STPG2: variants seen among roughly 807,000 people sequenced by gnomAD.
STPG2 encodes sperm-tail PG-rich repeat-containing protein 2.
In STPG2, 56 loss-of-function variants were observed where a neutral mutation model predicts 54.2. That is an observed-to-expected ratio of 1.03 (90% CI 0.83 to 1.29). The LOEUF (loss-of-function observed/expected upper bound fraction) is 1.29, where lower values mean the gene tolerates loss of function less well. Among genes scored for constraint, STPG2 ranks in the 50% most tolerant of loss-of-function variants. The pLI is 0.00. For synonymous variants in STPG2, 200 were observed against 181.8 expected, an observed-to-expected ratio of 1.10 and a Z score of -0.81; for missense variants, 596 against 544.9, an observed-to-expected ratio of 1.09 and a Z score of -0.93.
intron 5 of STPG2, among the ~76,000 whole-genome samples, chr4:98,001,961 A>C (rs114862503): frequency 2.0e-3 from 302 of 152,280 alleles, no homozygotes; most frequent in African/African-American, 7.1e-3. Flanking sequence ...AAGTATATTT[A>C]AAAATATTCT....
At chr4:97,932,248 C>A (rs1206781386) in intron 8 of STPG2, among the ~76,000 whole-genome samples, 1 of 152,090 alleles carries the variant, frequency 6.6e-6, no homozygotes, top group Non-Finnish European at 1.5e-5. Context: ...TGCAGTTTAG[C>A]TCCGATTTTT....
intron 9 of STPG2, among the ~76,000 whole-genome samples, chr4:97,790,992 T>G (rs1464911963): frequency 6.6e-6 from 1 of 152,164 alleles, no homozygotes; most frequent in Non-Finnish European, 1.5e-5. Flanking sequence ...GTTACGCAAA[T>G]TCTACCAAAC....
intron 10 of STPG2, among the ~76,000 whole-genome samples, chr4:97,612,822 G>C (rs1219721723): frequency 6.6e-6 from 1 of 151,872 alleles, no homozygotes; most frequent in Non-Finnish European, 1.5e-5. Flanking sequence ...AAAATAATGA[G>C]GGAGCAGTAC....
chr4:97,907,636 A>G (rs2149195615), intron 8 of STPG2, among the ~76,000 whole-genome samples: 1 of 152,342 alleles, frequency 6.6e-6, no homozygotes, highest in East Asian at 1.9e-4. Flanking sequence ...GGCTACAGTA[A>G]CCAAAACAGC....
At chr4:98,118,828 A>G (rs910475965) in intron 3 of STPG2, among the ~76,000 whole-genome samples, 5 of 152,174 alleles carry the variant, frequency 3.3e-5, no homozygotes, top group Non-Finnish European at 7.4e-5. Flanking sequence ...AGTGGCTTAC[A>G]AGGCTCCCAA....
chr4:98,024,708 T>G (rs1736358160), intron 5 of STPG2, among the ~76,000 whole-genome samples: 1 of 152,224 alleles, frequency 6.6e-6, no homozygotes, highest in Admixed American at 6.5e-5. Context: ...TATATAACAT[T>G]TGATAGCATC....
At chr4:97,724,272 C>A (rs1373431102) in intron 9 of STPG2, among the ~76,000 whole-genome samples, 1 of 151,996 alleles carries the variant, frequency 6.6e-6, no homozygotes, top group African/African-American at 2.4e-5. Flanking sequence ...TTAATTTCTT[C>A]AAAATATCCA....
intron 5 of STPG2, among the ~76,000 whole-genome samples, chr4:98,009,761 G>T (rs1049405065): frequency 6.6e-6 from 1 of 152,004 alleles, no homozygotes; most frequent in Non-Finnish European, 1.5e-5. Context: ...GTGCTCCAAT[G>T]TTGAGTGCAG....
At chr4:98,032,453 G>C (rs1028355952) in intron 5 of STPG2, among the ~76,000 whole-genome samples, 29 of 151,970 alleles carry the variant, frequency 1.9e-4, no homozygotes, top group African/African-American at 6.5e-4. Flanking sequence ...TCTAACACAA[G>C]TCATAATGGA....
chr4:97,989,704 A>G (rs1036917966), intron 5 of STPG2, among the ~76,000 whole-genome samples: 1 of 152,186 alleles, frequency 6.6e-6, no homozygotes, highest in African/African-American at 2.4e-5. Flanking sequence ...CTATTCTTGC[A>G]CTTTGGAGCC....
intron 9 of STPG2, among the ~76,000 whole-genome samples, chr4:97,734,066 G>C (rs1724892807): frequency 6.6e-6 from 1 of 152,116 alleles, no homozygotes; most frequent in South Asian, 2.1e-4. Context: ...CCAAAAGTGG[G>C]CATCCTTGTC....
chr4:97,876,412 T>C (rs1482166582), intron 8 of STPG2, among the ~76,000 whole-genome samples: 1 of 152,058 alleles, frequency 6.6e-6, no homozygotes, highest in South Asian at 2.1e-4. Context: ...TCTTTTATAA[T>C]TAAGCAATGA....
chr4:97,994,783 G>C (rs570586608), intron 5 of STPG2, among the ~76,000 whole-genome samples: 102 of 152,204 alleles, frequency 6.7e-4, no homozygotes, highest in African/African-American at 2.2e-3. Flanking sequence ...TCGGCCCCAA[G>C]CTAGGAGGTG....
At chr4:97,534,471 G>A (rs1731484812) in intron 4 of STPG2, among the ~76,000 whole-genome samples, 3 of 152,032 alleles carry the variant, frequency 2.0e-5, no homozygotes, top group Admixed American at 2.0e-4. Context: ...TCAAGGATCT[G>A]GGTTCATATC....
intron 5 of STPG2, among the ~76,000 whole-genome samples, chr4:97,981,545 T>A (rs1203035625): frequency 6.6e-6 from 1 of 151,996 alleles, no homozygotes; most frequent in Non-Finnish European, 1.5e-5. Flanking sequence ...TGTGCCTTAC[T>A]AAGGCAGACA....
chr4:97,740,265 T>C (rs1229523529), intron 9 of STPG2, among the ~76,000 whole-genome samples: 3 of 152,200 alleles, frequency 2.0e-5, no homozygotes, highest in South Asian at 2.1e-4. Context: ...TCACACTGAA[T>C]GGGCAAAAAC....
chr4:98,111,471 AG>A (rs1320774682), intron 3 of STPG2, among the ~76,000 whole-genome samples: 1 of 152,150 alleles, frequency 6.6e-6, no homozygotes, highest in Non-Finnish European at 1.5e-5. Flanking sequence ...GCACCACTCC[AG>A]AAAGCTTTGA....
At chr4:98,035,964 AGG>A (rs1736765382) in intron 5 of STPG2, among the ~76,000 whole-genome samples, 1 of 151,556 alleles carries the variant, frequency 6.6e-6, no homozygotes. Flanking sequence ...GGGCTAGGGG[AGG>A]GATAGCATTA....
intron 7 of STPG2, among the ~76,000 whole-genome samples, chr4:97,960,381 T>G (rs1434707931): frequency 1.3e-5 from 2 of 152,266 alleles, no homozygotes; most frequent in South Asian, 4.1e-4. Context: ...ATAAAGGGCA[T>G]GCAAATTGGT....
Sources: gnomAD v4.1 joint callset for allele counts (sites outside exome capture counted in the v4.1 genomes callset) on GRCh38, gnomAD v4.1.1 for gene constraint, MANE v1.5 for transcripts, NCBI Gene and HGNC (gene_info 2026-07-23, HGNC 2026-07-21) for gene names.